The following NTF3 variants were observed in gnomAD, a reference collection of about 807,000 sequenced individuals.
The protein encoded by NTF3 is neurotrophin-3.
In NTF3, 8 loss-of-function variants were observed where a neutral mutation model predicts 26.3. The ratio of observed to expected loss-of-function variants is 0.30; its 90% CI spans 0.18 to 0.55. The LOEUF (loss-of-function observed/expected upper bound fraction) is 0.55. Among genes scored for constraint, NTF3 ranks in the 20% least tolerant of loss-of-function variants. The probability of loss-of-function intolerance (pLI) is 0.93; values close to 1 mark genes in which losing one functional copy is unlikely to be tolerated. For missense variants in NTF3, 276 were observed against 352.9 expected (o/e 0.78, Z 1.75); for synonymous variants, 154 against 145.5 (o/e 1.06, Z -0.42).
intron 1 of NTF3, among the ~76,000 whole-genome samples, chr12:5,478,454 G>A (rs572065824): frequency 4.7e-5 from 7 of 149,768 alleles, no homozygotes; most frequent in South Asian, 2.2e-4. Flanking sequence ...AGACCCTTCC[G>A]TCTGACTACA....
At chr12:5,447,798 G>C (rs1309752640) in intron 1 of NTF3, among the ~76,000 whole-genome samples, 1 of 152,190 alleles carries the variant, frequency 6.6e-6, no homozygotes, top group African/African-American at 2.4e-5. Context: ...CCATACCTAG[G>C]TGTTCCCCAA....
rs1278782822 is a variant in NTF3 at position 5,495,131 on chromosome 12, T to C, written c.*143T>C. The C allele has an allele frequency of 2.2e-6, 2 of 914,836 alleles. No individual in the cohort carries two copies. Among genetic ancestry groups the C allele is most frequent in the East Asian group, 2.7e-5 (1 of 37,044 alleles). The allele number at this position is 914,836 out of a possible 1,614,324, so 56.7% of individuals were successfully genotyped here. A position where few individuals can be genotyped will look rare whatever the true frequency, so the allele number is the denominator to read the frequency against. On this transcript the variant is annotated 3_prime_UTR_variant, in exon 2 of 2. Coordinates refer to ENST00000423158, the MANE Select transcript of NTF3 (RefSeq NM_001102654.2). Reference sequence around the variant, plus strand: ...GCAACCCTACAGTATATAAGCTTTTTTCTCAATAAAATCAGTGTGCTTGCC... The same window carrying C: ...GCAACCCTACAGTATATAAGCTTTTCTCTCAATAAAATCAGTGTGCTTGCC...
intron 1 of NTF3, among the ~76,000 whole-genome samples, chr12:5,437,161 C>T (rs143832304): frequency 5.9e-5 from 9 of 152,310 alleles, no homozygotes; most frequent in South Asian, 2.1e-4. Context: ...CTGAAACCTC[C>T]GATTCCTCCC....
intron 1 of NTF3, among the ~76,000 whole-genome samples, chr12:5,436,889 A>G (rs1940174767): frequency 6.6e-6 from 1 of 152,272 alleles, no homozygotes; most frequent in South Asian, 2.1e-4. Context: ...ATTAATGATC[A>G]GAGACAGACA....
At position 5,454,779 on chromosome 12, in the gene NTF3, C is replaced by T. The variant is rs140683789; in HGVS notation, c.18+22437C>T. Among the ~76,000 whole-genome samples the T allele has an allele frequency of 4.2e-3, 646 of 152,092 alleles. 1 individual carries two copies. The highest frequency in any genetic ancestry group is 0.015 in the African/African-American group (610 of 41,512). On this transcript the variant is annotated intron_variant, in intron 1 of 1. Coordinates refer to ENST00000423158, the MANE Select transcript of NTF3 (RefSeq NM_001102654.2). ...GCATGGAAAGCAAGGAGGACAGCGG[C>T]GAGAAAAAGGGGGAGTAGATGGAGG...
Position 5,476,969 on chromosome 12 carries a change from T to C in NTF3, c.19-17225T>C, listed in dbSNP as rs532947395. On this transcript the variant is annotated intron_variant, in intron 1 of 1. Transcript: ENST00000423158. ...CCTGTGGGAGCTGATAGATGATATA[T>C]TTTTGTATTTTTAAATTTTTCTTCA... is the stretch of plus-strand genomic sequence containing the variant. 5.3e-5 allele frequency among the ~76,000 whole-genome samples: 8 copies of C among 152,332 alleles called. No homozygotes were observed. The South Asian group carries it at 1.7e-3, about 32-fold the overall frequency.
chr12:5,431,606 G>T (rs1428105582), upstream of NTF3, among the ~76,000 whole-genome samples: 2 of 152,036 alleles, frequency 1.3e-5, no homozygotes, highest in Non-Finnish European at 2.9e-5. Flanking sequence ...GGAGCTGGAA[G>T]GGTCTAAGGT....
Position 5,458,584 on chromosome 12 carries a change from TC to T in NTF3, c.18+26243del, listed in dbSNP as rs570024754. On this transcript the variant is annotated intron_variant, in intron 1 of 1. Transcript: ENST00000423158. The stretch of plus-strand genomic sequence containing the variant: ...AACAGAAGGTGTTTGCCTGCAGAAA[TC>T]TGGAATAAGATCAAAGATCAGAGCT... 8.2e-4 allele frequency among the ~76,000 whole-genome samples: 125 copies of T among 152,276 alleles called. 1 individual carries two copies. The highest frequency in any genetic ancestry group is 2.5e-3 in the African/African-American group (105 of 41,572).
At chr12:5,477,608 G>T (rs182066617) in intron 1 of NTF3, among the ~76,000 whole-genome samples, 1 of 152,258 alleles carries the variant, frequency 6.6e-6, no homozygotes, top group East Asian at 1.9e-4. Context: ...TGATTGCAGG[G>T]TTCTTAGCAC....
intron 1 of NTF3, among the ~76,000 whole-genome samples, chr12:5,479,424 T>C (rs1308826677): frequency 1.3e-5 from 2 of 152,220 alleles, no homozygotes; most frequent in African/African-American, 4.8e-5. Flanking sequence ...ATTTTGTAGA[T>C]ATGAGGGCTC....
intron 1 of NTF3, among the ~76,000 whole-genome samples, chr12:5,484,773 A>G (rs900610541): frequency 1.3e-5 from 2 of 152,178 alleles, no homozygotes; most frequent in Non-Finnish European, 2.9e-5. Context: ...ATTAAACTTA[A>G]CAATAAAAAA....
chr12:5,449,566 A>G (rs967752637), intron 1 of NTF3, among the ~76,000 whole-genome samples: 2 of 152,176 alleles, frequency 1.3e-5, no homozygotes, highest in Non-Finnish European at 2.9e-5. Context: ...CAAAGAAACG[A>G]CTTACCCGGA....
chr12:5,432,814 G>C (rs559962433), intron 1 of NTF3, among the ~76,000 whole-genome samples: 36 of 152,166 alleles, frequency 2.4e-4, no homozygotes, highest in African/African-American at 8.7e-4. Context: ...CTGCTCCTCC[G>C]AGAAAGCTCC....
intron 1 of NTF3, among the ~76,000 whole-genome samples, chr12:5,445,899 A>G (rs555995039): frequency 6.6e-6 from 1 of 152,304 alleles, no homozygotes; most frequent in South Asian, 2.1e-4. Flanking sequence ...TCCCCTAAAA[A>G]TCCAGCATTT....
At chr12:5,443,338 T>C (rs1377042319) in intron 1 of NTF3, among the ~76,000 whole-genome samples, 1 of 152,148 alleles carries the variant, frequency 6.6e-6, no homozygotes, top group Non-Finnish European at 1.5e-5. Flanking sequence ...TTCCAGCTTG[T>C]CAAGAGCAAT....
In NTF3 at chr12:5,460,092, G is replaced by A. The variant is rs949399945; in HGVS notation, c.18+27750G>A. Reference sequence around the variant, plus strand: ...ATTAACCAGCTATTACAGAGTTACCGTATAACTCCTCCCCCTCACTCCCCA... The same window carrying A: ...ATTAACCAGCTATTACAGAGTTACCATATAACTCCTCCCCCTCACTCCCCA... On this transcript the variant is annotated intron_variant, in intron 1 of 1. Transcript: ENST00000423158. Among the ~76,000 whole-genome samples, 13 of 152,072 alleles carry A rather than the reference G, an allele frequency of 8.5e-5. No homozygotes were observed. The East Asian group carries it at 1.7e-3, about 20-fold the overall frequency.
chr12:5,485,415 TC>T (rs1310875217), intron 1 of NTF3, among the ~76,000 whole-genome samples: 1 of 152,212 alleles, frequency 6.6e-6, no homozygotes, highest in Non-Finnish European at 1.5e-5. Context: ...AGGGGTTTGT[TC>T]CCTGGCTCTG....
At chr12:5,448,749 G>T (rs1940335917) in intron 1 of NTF3, among the ~76,000 whole-genome samples, 1 of 152,148 alleles carries the variant, frequency 6.6e-6, no homozygotes, top group Admixed American at 6.5e-5. Context: ...CTGCCAGAAA[G>T]AGCTGACTTA....
chr12:5,467,131 G>C (rs1174954576), intron 1 of NTF3, among the ~76,000 whole-genome samples: 2 of 149,698 alleles, frequency 1.3e-5, no homozygotes. Flanking sequence ...TCGGGAGGCT[G>C]AGGCAGAGAA....
Sources: gnomAD v4.1 joint callset for allele counts (sites outside exome capture counted in the v4.1 genomes callset) on GRCh38, gnomAD v4.1.1 for gene constraint, MANE v1.5 for transcripts, NCBI Gene and HGNC (gene_info 2026-07-23, HGNC 2026-07-21) for gene names.